The following AUTS2 variants were observed in gnomAD, a reference collection of about 807,000 sequenced individuals.
AUTS2 encodes the protein autism susceptibility gene 2 protein.
AUTS2 carries 17 observed loss-of-function variants against 112.4 expected under a neutral mutation model. That is an observed-to-expected ratio of 0.15 (90% CI 0.10 to 0.23). AUTS2 has a LOEUF of 0.23. AUTS2 is among the 10% of genes least tolerant of loss of function. The pLI is 1.00. For missense variants in AUTS2, 1,510 were observed against 1,701.6 expected (o/e 0.89, Z 1.98); for synonymous variants, 751 against 702.7 (o/e 1.07, Z -1.09).
At chr7:69,814,407 A>G (rs1179903618) in intron 1 of AUTS2, among the ~76,000 whole-genome samples, 1 of 152,196 alleles carries the variant, frequency 6.6e-6, no homozygotes, top group Admixed American at 6.5e-5. Context: ...TCACAAAAGC[A>G]CTTTGTGGAC....
intron 1 of AUTS2, among the ~76,000 whole-genome samples, chr7:69,867,244 G>A (rs1244641341): frequency 2.6e-5 from 4 of 152,170 alleles, no homozygotes; most frequent in African/African-American, 7.2e-5. Context: ...GAGGCAGATA[G>A]GCCTTGAGGA....
At chr7:70,411,054 G>A (rs1794755141) in intron 4 of AUTS2, among the ~76,000 whole-genome samples, 1 of 151,954 alleles carries the variant, frequency 6.6e-6, no homozygotes, top group African/African-American at 2.4e-5. Context: ...TAGTAGAAAT[G>A]GGGTTTCACC....
At chr7:69,747,784 GGTGTGTGTGTGTGTGTGTGT>G (rs10695531) in intron 1 of AUTS2, among the ~76,000 whole-genome samples, 1 of 144,500 alleles carries the variant, frequency 6.9e-6, no homozygotes, top group Non-Finnish European at 1.5e-5. Flanking sequence ...GAAGGAGAGG[GGTGTGTGTGTGTGTGTGTGT>G]GTGTGTGTGT....
Position 70,334,096 on chromosome 7 carries a change from A to T in AUTS2, c.661-101656A>T, listed in dbSNP as rs1790880522. On this transcript the variant is annotated intron_variant, in intron 4 of 18. Transcript: ENST00000342771. ...GCCATTTCTTTCTTTTTCTTGTCTA[A>T]TTGCCCTGGGTAGAACTTCCAGTGC... Among the ~76,000 whole-genome samples the T allele has an allele frequency of 2.6e-5, 4 of 152,260 alleles. 1 individual carries two copies. The South Asian group carries it at 8.3e-4, about 32-fold the overall frequency.
intron 5 of AUTS2, among the ~76,000 whole-genome samples, chr7:70,615,021 A>G (rs1804282761): frequency 6.6e-6 from 1 of 152,214 alleles, no homozygotes; most frequent in Non-Finnish European, 1.5e-5. Context: ...AGGCCTTCCC[A>G]GGGTAGCTCT....
At chr7:70,155,235 A>G (rs999188302) in intron 4 of AUTS2, among the ~76,000 whole-genome samples, 1 of 152,062 alleles carries the variant, frequency 6.6e-6, no homozygotes, top group African/African-American at 2.4e-5. Context: ...AGCTCTGGGG[A>G]GGGTTCGATC....
At chr7:69,699,516 C>T (rs916045784) in intron 1 of AUTS2, among the ~76,000 whole-genome samples, 1 of 152,038 alleles carries the variant, frequency 6.6e-6, no homozygotes, top group East Asian at 1.9e-4. Flanking sequence ...GAGAGAGCTT[C>T]CGTATTCCTT....
chr7:70,472,682 C>T (rs995943700), intron 5 of AUTS2, among the ~76,000 whole-genome samples: 3 of 152,128 alleles, frequency 2.0e-5, no homozygotes, highest in Admixed American at 6.5e-5. Context: ...TCAACACACT[C>T]GTCTGCATTT....
chr7:69,615,679 T>C (rs1215668268), intron 1 of AUTS2, among the ~76,000 whole-genome samples: 1 of 152,192 alleles, frequency 6.6e-6, no homozygotes, highest in Non-Finnish European at 1.5e-5. Flanking sequence ...TTTAGTATGG[T>C]GTACCTGGGA....
intron 2 of AUTS2, among the ~76,000 whole-genome samples, chr7:70,016,353 A>C (rs1800026547): frequency 6.6e-6 from 1 of 152,164 alleles, no homozygotes; most frequent in Non-Finnish European, 1.5e-5. Flanking sequence ...TTCCTTCTGT[A>C]GTACCTCAGT....
intron 5 of AUTS2, among the ~76,000 whole-genome samples, chr7:70,687,577 G>T (rs1400121473): frequency 2.0e-5 from 3 of 152,084 alleles, no homozygotes; most frequent in Non-Finnish European, 4.4e-5. Flanking sequence ...ATTCCCCCCT[G>T]TGTCTCAATG....
chr7:70,377,319 AATATAAATATATATATATATATAT>A (rs1793134202), intron 4 of AUTS2, among the ~76,000 whole-genome samples: 1 of 77,014 alleles, frequency 1.3e-5, no homozygotes, highest in South Asian at 5.2e-4. Flanking sequence ...CAAACAAACA[AATATAAATATATATATATATATAT>A]ATATATATAT....
intron 3 of AUTS2, among the ~76,000 whole-genome samples, chr7:70,124,775 A>T (rs1394025024): frequency 2.0e-5 from 3 of 151,984 alleles, no homozygotes; most frequent in Non-Finnish European, 2.9e-5. Flanking sequence ...GTTGGCCAGG[A>T]TGGTCTCAAA....
intron 1 of AUTS2, among the ~76,000 whole-genome samples, chr7:69,808,148 G>C (rs900029785): frequency 6.6e-6 from 1 of 152,046 alleles, no homozygotes; most frequent in Non-Finnish European, 1.5e-5. Context: ...GACTCATCTT[G>C]AACTCCTGAC....
At chr7:70,548,805 T>G (rs1800898615) in intron 5 of AUTS2, among the ~76,000 whole-genome samples, 2 of 152,128 alleles carry the variant, frequency 1.3e-5, no homozygotes, top group Non-Finnish European at 2.9e-5. Context: ...ACTATAGCTT[T>G]GTAGGATGTT....
At chr7:69,610,073 T>C (rs1011912339) in intron 1 of AUTS2, among the ~76,000 whole-genome samples, 4 of 152,236 alleles carry the variant, frequency 2.6e-5, no homozygotes, top group Non-Finnish European at 5.9e-5. Flanking sequence ...ACCCAACTAT[T>C]TTATTAATCT....
chr7:69,981,399 A>G (rs1798288676), intron 2 of AUTS2, among the ~76,000 whole-genome samples: 1 of 152,116 alleles, frequency 6.6e-6, no homozygotes, highest in Non-Finnish European at 1.5e-5. Flanking sequence ...GATGTATGTC[A>G]TTTTTATTTT....
chr7:70,415,308 A>G (rs1794944129), intron 4 of AUTS2, among the ~76,000 whole-genome samples: 1 of 152,182 alleles, frequency 6.6e-6, no homozygotes, highest in Non-Finnish European at 1.5e-5. Flanking sequence ...TGATTTTTTC[A>G]TTATGTCAAC....
chr7:70,575,713 G>A lies in AUTS2; in HGVS notation c.691-122856G>A, dbSNP rs144611459. Among the ~76,000 whole-genome samples, 132 of 152,222 alleles carry A rather than the reference G, an allele frequency of 8.7e-4. 4 individuals carry two copies. The East Asian group carries it at 0.023, about 26-fold the overall frequency. On this transcript the variant is annotated intron_variant, in intron 5 of 18. Transcript: ENST00000342771. ...TGTGATGGGAATGACAGTTAACTGC[G>A]GGCCTGTCAGTCCCACTTTGGAAGT...
Sources: allele counts gnomAD v4.1 joint callset (sites outside exome capture counted in the v4.1 genomes callset), GRCh38; gene constraint gnomAD v4.1.1; transcripts MANE v1.5; gene names NCBI Gene and HGNC (gene_info 2026-07-23, HGNC 2026-07-21).